The following FARS2 variants were observed in gnomAD, a reference collection of about 807,000 sequenced individuals.
FARS2 encodes phenylalanine--tRNA ligase, mitochondrial.
In FARS2, 40 loss-of-function variants were observed where a neutral mutation model predicts 46.4. The observed-to-expected ratio is 0.86, with a 90% CI of 0.67 to 1.12. The LOEUF (loss-of-function observed/expected upper bound fraction) is 1.12, where lower values mean the gene tolerates loss of function less well. Ranked by LOEUF, FARS2 falls within the 50% of genes most tolerant of loss-of-function variation. The pLI, the probability that FARS2 is intolerant of heterozygous loss-of-function variation, is 0.00. For missense variants in FARS2, 513 were observed against 567.9 expected (o/e 0.90, Z 0.98); for synonymous variants, 234 against 214.9 (o/e 1.09, Z -0.78).
At chr6:5,749,383 G>T (rs1393253689) in intron 6 of FARS2, among the ~76,000 whole-genome samples, 2 of 152,240 alleles carry the variant, frequency 1.3e-5, no homozygotes, top group East Asian at 3.9e-4. Context: ...ATTGGAAGAA[G>T]GCTGCAGTCA....
At chr6:5,388,503 A>G (rs956128078) in intron 2 of FARS2, among the ~76,000 whole-genome samples, 2 of 152,154 alleles carry the variant, frequency 1.3e-5, no homozygotes, top group Admixed American at 6.5e-5. Context: ...TTGCCTCTAG[A>G]TGGCACTGAT....
intron 5 of FARS2, among the ~76,000 whole-genome samples, chr6:5,561,227 T>G: frequency 6.6e-6 from 1 of 152,230 alleles, no homozygotes; most frequent in East Asian, 1.9e-4. Flanking sequence ...TTTAAATTAG[T>G]CAACAGTTAA....
chr6:5,480,789 C>T (rs1392108647), intron 4 of FARS2, among the ~76,000 whole-genome samples: 1 of 152,182 alleles, frequency 6.6e-6, no homozygotes, highest in Non-Finnish European at 1.5e-5. Context: ...GAGTTGCCTG[C>T]AATCTTTTAT....
chr6:5,582,174 G>C (rs370588933), intron 5 of FARS2, among the ~76,000 whole-genome samples: 36 of 81,788 alleles, frequency 4.4e-4, no homozygotes, highest in African/African-American at 1.4e-3. Flanking sequence ...GTCACAGTAA[G>C]ATACTTCCGG....
At chr6:5,513,464 G>C (rs574818516) in intron 4 of FARS2, among the ~76,000 whole-genome samples, 1 of 152,364 alleles carries the variant, frequency 6.6e-6, no homozygotes, top group African/African-American at 2.4e-5. Context: ...ACCTGAAGAA[G>C]TGATATTTAG....
intron 1 of FARS2, among the ~76,000 whole-genome samples, chr6:5,296,649 A>G (rs1392544835): frequency 1.3e-5 from 2 of 152,186 alleles, no homozygotes; most frequent in African/African-American, 4.8e-5. Flanking sequence ...CACTCTAGGA[A>G]CTTCGTATGA....
chr6:5,568,192 C>G (rs1405355760), intron 5 of FARS2, among the ~76,000 whole-genome samples: 2 of 152,094 alleles, frequency 1.3e-5, no homozygotes, highest in Non-Finnish European at 1.5e-5. Context: ...CACTCTGTCT[C>G]TTGTCACTCT....
chr6:5,390,617 T>A (rs1028114370), intron 2 of FARS2, among the ~76,000 whole-genome samples: 2 of 152,232 alleles, frequency 1.3e-5, no homozygotes, highest in African/African-American at 4.8e-5. Context: ...TCCCTTACAG[T>A]GTATATAAGG....
chr6:5,374,455 A>G (rs533155954), intron 2 of FARS2, among the ~76,000 whole-genome samples: 44 of 152,246 alleles, frequency 2.9e-4, no homozygotes, highest in Admixed American at 2.1e-3. Flanking sequence ...TGTAATAGAA[A>G]ACTGAAAGCA....
intron 1 of FARS2, among the ~76,000 whole-genome samples, chr6:5,355,097 T>A (rs902553284): frequency 2.0e-5 from 3 of 152,160 alleles, no homozygotes; most frequent in African/African-American, 4.8e-5. Flanking sequence ...TAATTATTTT[T>A]AAAATATTTT....
At chr6:5,325,818 G>A (rs748484940) in intron 1 of FARS2, among the ~76,000 whole-genome samples, 88 of 152,118 alleles carry the variant, frequency 5.8e-4, no homozygotes, top group Non-Finnish European at 7.8e-4. Context: ...CAACATGGTA[G>A]TAGTAAAATG....
intron 1 of FARS2, among the ~76,000 whole-genome samples, chr6:5,301,770 G>A (rs534147497): frequency 2.1e-4 from 32 of 151,074 alleles, no homozygotes; most frequent in Non-Finnish European, 3.7e-4. Context: ...AGCCTGCTGG[G>A]TGACAGAGTA....
chr6:5,265,146 C>T (rs990374760), intron 1 of FARS2, among the ~76,000 whole-genome samples: 1 of 152,028 alleles, frequency 6.6e-6, no homozygotes, highest in Non-Finnish European at 1.5e-5. Context: ...TATTAGTAAA[C>T]GCTAAAGGAA....
chr6:5,744,727 C>A (rs1448920617), intron 6 of FARS2, among the ~76,000 whole-genome samples: 1 of 152,214 alleles, frequency 6.6e-6, no homozygotes, highest in Admixed American at 6.5e-5. Context: ...GCTTCTGCAA[C>A]ACACCTCAAA....
chr6:5,683,790 G>A (rs923830017), intron 6 of FARS2, among the ~76,000 whole-genome samples: 3 of 151,948 alleles, frequency 2.0e-5, no homozygotes, highest in African/African-American at 4.8e-5. Context: ...CTCTCGACAG[G>A]CCCCGGTATG....
intron 4 of FARS2, among the ~76,000 whole-genome samples, chr6:5,456,730 C>CAAAAAAAAAAAAAA (rs11393453): frequency 8.6e-5 from 6 of 69,870 alleles, no homozygotes; most frequent in Admixed American, 1.9e-4. Context: ...GACTCCATCT[C>CAAAAAAAAAAAAAA]AAAAAAAAAA....
At chr6:5,602,084 A>C (rs1235589558) in intron 5 of FARS2, among the ~76,000 whole-genome samples, 1 of 152,224 alleles carries the variant, frequency 6.6e-6, no homozygotes, top group Non-Finnish European at 1.5e-5. Context: ...AGGAAACCAG[A>C]GAATGACTTA....
chr6:5,532,960 T>C (rs9502314), intron 4 of FARS2, among the ~76,000 whole-genome samples: 68 of 152,018 alleles, frequency 4.5e-4, no homozygotes, highest in African/African-American at 1.5e-3. Context: ...TTTTTTTCAA[T>C]ATGTAGTAGT....
At chr6:5,318,490 T>C (rs1282490271) in intron 1 of FARS2, among the ~76,000 whole-genome samples, 2 of 151,258 alleles carry the variant, frequency 1.3e-5, no homozygotes, top group East Asian at 3.9e-4. Flanking sequence ...TCTGGTCAGG[T>C]TTTTATCAGG....
Sources: gnomAD v4.1 joint callset for allele counts (sites outside exome capture counted in the v4.1 genomes callset) on GRCh38, gnomAD v4.1.1 for gene constraint, MANE v1.5 for transcripts, NCBI Gene and HGNC (gene_info 2026-07-23, HGNC 2026-07-21) for gene names.